LRP2: variants seen among roughly 807,000 people sequenced by gnomAD.
The protein encoded by LRP2 is low-density lipoprotein receptor-related protein 2.
Under a neutral mutation model 531.0 loss-of-function variants are expected in LRP2, and 172 were observed. The observed-to-expected ratio is 0.32, with a 90% CI of 0.29 to 0.37. LRP2 has a LOEUF of 0.37. Ranked by LOEUF, LRP2 falls within the 10% of genes least tolerant of loss-of-function variation. The pLI, the probability that LRP2 is intolerant of heterozygous loss-of-function variation, is 1.00. For synonymous variants in LRP2, 1,992 were observed against 2,027.6 expected (o/e 0.98, Z 0.47); for missense variants, 5,167 against 5,868.3 (o/e 0.88, Z 3.90).
At chr2:169,145,580 G>T (rs1221033214) in intron 70 of LRP2, among the ~76,000 whole-genome samples, 167 bp downstream of exon 70, 1 of 152,238 alleles carries the variant, frequency 6.6e-6, no homozygotes, top group Admixed American at 6.5e-5. Flanking sequence ...GGTGAAAATG[G>T]TTAAAACGTT....
intron 40 of LRP2, 59 bp from the exon 41 acceptor site, chr2:169,205,696 A>G: frequency 6.6e-7 from 1 of 1,505,786 alleles, no homozygotes; most frequent in Non-Finnish European, 9.2e-7. Context: ...TCCTTTAAAA[A>G]AAAAAAAAAG....
At chr2:169,146,987 C>T in intron 68 of LRP2, 28 bp from the exon 69 acceptor site, 1 of 1,531,554 alleles carries the variant, frequency 6.5e-7, no homozygotes, top group Non-Finnish European at 9.0e-7. Flanking sequence ...TTCACTGTAG[C>T]ATCTCACCTG....
In LRP2 at chr2:169,129,240, A is replaced by G. The variant is rs182087050; in HGVS notation, c.13729-156T>C. Among the ~76,000 whole-genome samples the G allele has an allele frequency of 4.1e-4, 62 of 152,348 alleles. No individual in the cohort carries two copies. In the East Asian group the frequency reaches 7.1e-3, roughly 18 times the overall value. ...TTCAGCCCATATGGTAAATTGTTCA[A>G]TTCCTCCTATGGTCCCTGAACAGTA... On this transcript the variant is annotated intron_variant, in intron 77 of 78. Transcript: ENST00000649046.
intron 68 of LRP2, among the ~76,000 whole-genome samples, chr2:169,150,312 A>G (rs998908723): frequency 6.6e-6 from 1 of 152,218 alleles, no homozygotes; most frequent in Non-Finnish European, 1.5e-5. Flanking sequence ...TGTAAATACC[A>G]AGTCATTTCA....
At position 169,181,778 on chromosome 2, in the gene LRP2, C is replaced by T. The variant is rs992349581; in HGVS notation, c.9999-160G>A. Among the ~76,000 whole-genome samples, 4 of 146,450 alleles carry T rather than the reference C, an allele frequency of 2.7e-5. No homozygotes were observed. In the South Asian group the frequency reaches 8.9e-4, roughly 33 times the overall value. On this transcript the variant is annotated intron_variant, in intron 51 of 78. Coordinates refer to ENST00000649046, the MANE Select transcript of LRP2 (RefSeq NM_004525.3). ...TTCAGAAAAGAAAGAGAGCTAACAG[C>T]AAATAATCTAAAAAAGAAAAAGGAA...
intron 14 of LRP2, among the ~76,000 whole-genome samples, chr2:169,274,781 T>A (rs972388171): frequency 6.6e-6 from 1 of 152,160 alleles, no homozygotes; most frequent in African/African-American, 2.4e-5. Flanking sequence ...TTGCAGGTGC[T>A]AATAAACATC....
chr2:169,247,433 T>C lies in LRP2; in HGVS notation c.2853A>G (p.Arg951=). ...AATGCAGTATGTAAGCAATGCCACT[T>C]CGGATAACTGTCATTTCTCCACCAT... ...KADGGEMTVI[R]SGIAYILHLK... is the part of the protein sequence containing the mutation. Residue 951 remains arginine (R), a synonymous_variant, in exon 20 of 79, where the codon CGA becomes CGG. Coordinates refer to ENST00000649046, the MANE Select transcript of LRP2 (RefSeq NM_004525.3). The C allele has an allele frequency of 6.2e-7, 1 of 1,614,146 alleles. No homozygotes were observed. Among genetic ancestry groups the C allele is most frequent in the Non-Finnish European group, 8.5e-7 (1 of 1,179,994 alleles).
intron 63 of LRP2, among the ~76,000 whole-genome samples, chr2:169,161,591 A>T (rs1574083959): frequency 6.6e-6 from 1 of 152,040 alleles, no homozygotes; most frequent in African/African-American, 2.4e-5. Context: ...CTTCCACCTC[A>T]TCCTCTTGAG....
At position 169,212,193 on chromosome 2, in the gene LRP2, A is replaced by G; in HGVS notation, c.6055T>C (p.Ser2019Pro). 6.2e-7 allele frequency: 1 copy of G among 1,614,054 alleles called. No homozygotes were observed. The highest frequency in any genetic ancestry group is 8.5e-7 in the Non-Finnish European group (1 of 1,179,934). ...VYHRRNAAESSNGCSNNMNAC... is the reference protein window; with the variant it reads ...VYHRRNAAESPNGCSNNMNAC... ...TTCATGTTGTTGCTACAGCCATTTGAGGATTCGGCGGCATCTAAATGAAAA... is the reference window on the plus strand; with the variant it reads ...TTCATGTTGTTGCTACAGCCATTTGGGGATTCGGCGGCATCTAAATGAAAA... Residue 2019 changes from serine (S) to proline (P), a missense_variant, in exon 37 of 79, where the codon TCA becomes CCA. Around this residue, in one of 6 missense-constraint regions of LRP2, gnomAD observed 2,811 missense variants for 3,058.0 expected, o/e 0.92. Coordinates refer to ENST00000649046, the MANE Select transcript of LRP2 (RefSeq NM_004525.3).
Position 169,247,413 on chromosome 2 carries a change from A to G in LRP2, c.2873T>C (p.Leu958Pro). 1 of 1,614,202 alleles carries G rather than the reference A, an allele frequency of 6.2e-7. No individual in the cohort carries two copies. Among genetic ancestry groups the G allele is most frequent in the Non-Finnish European group, 8.5e-7 (1 of 1,180,018 alleles). ...GTTGACATCATACGATTTCAAATGCAGTATGTAAGCAATGCCACTTCGGAT... is the reference window on the plus strand; with the variant it reads ...GTTGACATCATACGATTTCAAATGCGGTATGTAAGCAATGCCACTTCGGAT... Reference protein sequence around the residue: ...TVIRSGIAYILHLKSYDVNIQ... With the variant: ...TVIRSGIAYIPHLKSYDVNIQ... Residue 958 changes from leucine to proline, a missense_variant, in exon 20 of 79, where the codon CTG becomes CCG. Transcript: ENST00000649046.
intron 2 of LRP2, 103 bp downstream of exon 2, chr2:169,320,674 T>C (rs1420890947): frequency 1.1e-6 from 1 of 931,324 alleles, no homozygotes; most frequent in Non-Finnish European, 1.8e-6. Context: ...CAGACCTGGC[T>C]CTGTCACTAA....
At chr2:169,360,128 C>CAAAAAAAAAAAAAAAAAAAAAAAAA (rs67818940) in intron 1 of LRP2, among the ~76,000 whole-genome samples, 4 of 105,030 alleles carry the variant, frequency 3.8e-5, no homozygotes, top group African/African-American at 1.3e-4. Context: ...CTGTCTCTCT[C>CAAAAAAAAAAAAAAAAAAAAAAAAA]AAAAAAAAAA....
chr2:169,313,901 G>A (rs981722747), intron 3 of LRP2, among the ~76,000 whole-genome samples: 1 of 152,176 alleles, frequency 6.6e-6, no homozygotes, highest in Non-Finnish European at 1.5e-5. Flanking sequence ...TTAGTGGTCC[G>A]TGGGTATCTA....
intron 2 of LRP2, 122 bp from the exon 3 acceptor site, chr2:169,319,006 G>T: frequency 8.2e-7 from 1 of 1,224,800 alleles, no homozygotes; most frequent in Non-Finnish European, 1.2e-6. Flanking sequence ...AAGGCAAATA[G>T]TAAACAACCC....
chr2:169,194,329 C>T (rs947690640), intron 46 of LRP2, among the ~76,000 whole-genome samples: 1 of 152,164 alleles, frequency 6.6e-6, no homozygotes, highest in African/African-American at 2.4e-5. Context: ...TTAGCACCAC[C>T]TTTCAACATA....
chr2:169,316,446 C>T (rs948240742), intron 3 of LRP2, among the ~76,000 whole-genome samples: 6 of 152,152 alleles, frequency 3.9e-5, no homozygotes, highest in African/African-American at 2.4e-5. Flanking sequence ...GTAAGAGAGC[C>T]TCCATCTGCC....
rs1686097241 is a variant in LRP2 at position 169,150,980 on chromosome 2, T to C, written c.12508A>G (p.Lys4170Glu). 1 of 1,614,140 alleles carries C rather than the reference T, an allele frequency of 6.2e-7. No individual in the cohort carries two copies. ...CACTTTCTGTACCTTCCATCAAGTT[T>C]AGCCACCTCAATGCGTTTATTCTTG... ...DVKNKRIEVA[K>E]LDGRYRKWLI... The change falls in exon 68 of 79, where the codon AAA (lysine) becomes GAA (glutamate). Residue 4170 changes from lysine to glutamate, a missense_variant. This residue lies in a region of LRP2 where 564 missense variants were observed against 747.7 expected (regional missense o/e 0.75). Coordinates refer to ENST00000649046, the MANE Select transcript of LRP2 (RefSeq NM_004525.3).
At chr2:169,293,779 C>A (rs187411544) in intron 6 of LRP2, among the ~76,000 whole-genome samples, 30 of 152,306 alleles carry the variant, frequency 2.0e-4, no homozygotes, top group Admixed American at 3.9e-4. Context: ...TAGGAACTTC[C>A]TTTCCCTTAA....
intron 77 of LRP2, among the ~76,000 whole-genome samples, chr2:169,131,041 G>A (rs903145722): frequency 6.6e-6 from 1 of 152,152 alleles, no homozygotes; most frequent in Admixed American, 6.5e-5. Context: ...GAGAAAAAAT[G>A]TTGAAAATAT....
Sources: allele counts gnomAD v4.1 joint callset (sites outside exome capture counted in the v4.1 genomes callset), GRCh38; gene constraint gnomAD v4.1.1; regional missense constraint gnomAD v4.1.1; transcripts MANE v1.5; gene names NCBI Gene and HGNC (gene_info 2026-07-23, HGNC 2026-07-21).